Variants in TTC8 observed in about 807,000 individuals in gnomAD.
TTC8 encodes tetratricopeptide repeat domain 8, also known as tetratricopeptide repeat protein 8.
A neutral mutation model predicts 72.5 loss-of-function variants in TTC8; 47 were observed. The ratio of observed to expected loss-of-function variants is 0.65; its 90% confidence interval spans 0.51 to 0.83. The LOEUF (loss-of-function observed/expected upper bound fraction) is 0.83. Ranked by LOEUF, TTC8 falls within the 40% of genes least tolerant of loss-of-function variation. The probability of loss-of-function intolerance (pLI) is 0.00; values close to 1 mark genes in which losing one functional copy is unlikely to be tolerated. For synonymous variants in TTC8, 199 were observed against 221.4 expected (o/e 0.90, Z 0.90); for missense variants, 611 against 623.2 (o/e 0.98, Z 0.21).
chr14:88,870,048 A>G lies in TTC8; in HGVS notation c.910-11A>G. On this transcript the variant is annotated splice_polypyrimidine_tract_variant and intron_variant, in intron 10 of 14. Coordinates refer to ENST00000380656, the MANE Select transcript of TTC8 (RefSeq NM_144596.4). Reference sequence around the variant, plus strand: ...AATAAAATATTGCTCTTCTCTCTTGATGGAGAATAGGAAATGAACAATATG... The same window carrying G: ...AATAAAATATTGCTCTTCTCTCTTGGTGGAGAATAGGAAATGAACAATATG... 3 of 1,613,684 alleles carry G rather than the reference A, an allele frequency of 1.9e-6. No individual in the cohort carries two copies. Among genetic ancestry groups the G allele is most frequent in the African/African-American group, 1.3e-5 (1 of 75,036 alleles).
In TTC8 at chr14:88,877,436, TATGAAGCAGC is replaced by T; in HGVS notation, c.*29_*38del. 1.3e-6 allele frequency: 2 copies of T among 1,573,178 alleles called. No individual in the cohort carries two copies. The highest frequency in any genetic ancestry group is 1.7e-6 in the Non-Finnish European group (2 of 1,142,922). ...TTGTTCCTTAGACCACATATGTTCTTATGAAGCAGCATTATGCAAGGGGAAAAAAGCACTA... is the reference window on the plus strand; with the variant it reads ...TTGTTCCTTAGACCACATATGTTCTTATTATGCAAGGGGAAAAAAGCACTA... On this transcript the variant is annotated 3_prime_UTR_variant, in exon 15 of 15. Transcript: ENST00000380656.
intron 9 of TTC8, among the ~76,000 whole-genome samples, chr14:88,860,183 T>C (rs1452705398): frequency 6.6e-6 from 1 of 151,520 alleles, no homozygotes; most frequent in African/African-American, 2.4e-5. Flanking sequence ...TGAAAAGTTA[T>C]TATCCATACC....
intron 14 of TTC8, 21 bp from the exon 15 acceptor site, chr14:88,877,273 T>G: frequency 1.3e-6 from 2 of 1,588,166 alleles, no homozygotes; most frequent in East Asian, 4.5e-5. Context: ...TTCCATGGTC[T>G]TATTCTTGTA....
intron 13 of TTC8, among the ~76,000 whole-genome samples, chr14:88,873,445 T>C (rs532884768): frequency 6.6e-6 from 1 of 152,350 alleles, no homozygotes; most frequent in East Asian, 1.9e-4. Flanking sequence ...TACCACTTTA[T>C]CAGATATTTT....
chr14:88,828,134 A>G lies in TTC8; in HGVS notation c.114+3313A>G, dbSNP rs369170804. Among the ~76,000 whole-genome samples, 13 of 152,354 alleles carry G rather than the reference A, an allele frequency of 8.5e-5. No individual in the cohort carries two copies. The East Asian group carries it at 1.3e-3, about 16-fold the overall frequency. On this transcript the variant is annotated intron_variant, in intron 1 of 14. Transcript: ENST00000380656. ...TTCTTAAATGTACACTTACTTTTTC[A>G]AATAAATATAATTTCATTATGGGCA... is the stretch of plus-strand genomic sequence containing the variant.
intron 1 of TTC8, among the ~76,000 whole-genome samples, chr14:88,826,295 G>A (rs144779577): frequency 2.0e-5 from 3 of 151,802 alleles, no homozygotes; most frequent in African/African-American, 7.2e-5. Flanking sequence ...GCCCCCAAAT[G>A]TGTTTTTGGC....
chr14:88,875,741 T>C (rs1013663715), intron 14 of TTC8, among the ~76,000 whole-genome samples: 4 of 152,200 alleles, frequency 2.6e-5, no homozygotes, highest in Non-Finnish European at 5.9e-5. Flanking sequence ...CCATAAGATA[T>C]TTATAAAGAT....
chr14:88,860,828 A>G (rs2145708), intron 9 of TTC8, among the ~76,000 whole-genome samples: 4,068 of 149,822 alleles, frequency 0.027, 140 homozygotes, highest in East Asian at 0.16. Flanking sequence ...TTTTTTGAAG[A>G]CAGGGTTTCA....
At chr14:88,863,573 C>A (rs559067127) in intron 10 of TTC8, among the ~76,000 whole-genome samples, 1 of 152,336 alleles carries the variant, frequency 6.6e-6, no homozygotes, top group East Asian at 1.9e-4. Context: ...CAGCACAAAC[C>A]ACACTGTTTA....
chr14:88,840,748 T>G lies in TTC8; in HGVS notation c.266-117T>G. ...TAAAACACATCTCCCTAAAATACAT[T>G]TCTTGCTATTAATGTCTTTTTCACC... On this transcript the variant is annotated intron_variant, in intron 3 of 14. Coordinates refer to ENST00000380656, the MANE Select transcript of TTC8 (RefSeq NM_144596.4). 11 of 960,138 alleles carry G rather than the reference T, an allele frequency of 1.1e-5. No homozygotes were observed. In the South Asian group the frequency reaches 1.5e-4, roughly 13 times the overall value. The allele number at this position is 960,138 out of a possible 1,614,324, so 59.5% of individuals were successfully genotyped here. A position where few individuals can be genotyped will look rare whatever the true frequency, so the allele number is the denominator to read the frequency against.
intron 1 of TTC8, chr14:88,831,057 T>C (rs1193561390): frequency 5.5e-6 from 2 of 361,630 alleles, no homozygotes; most frequent in Non-Finnish European, 1.1e-5. Context: ...ACAGGACTTG[T>C]TTTCTGGTCA....
intron 7 of TTC8, among the ~76,000 whole-genome samples, chr14:88,847,417 G>A (rs1000564218): frequency 6.6e-6 from 1 of 152,104 alleles, no homozygotes; most frequent in Non-Finnish European, 1.5e-5. Context: ...TCATTAACAC[G>A]GAGGTGATAG....
At chr14:88,841,575 A>G in intron 6 of TTC8, 61 bp downstream of exon 6, 1 of 1,352,302 alleles carries the variant, frequency 7.4e-7, no homozygotes, top group Non-Finnish European at 1.1e-6. Context: ...GATAATGACA[A>G]ATTAGAAAAT....
In TTC8 at chr14:88,834,469, G is replaced by GT. The variant is rs547328465; in HGVS notation, c.144+754dup. ...CAAGCGAGATGGAATGTTAACAGCG[G>GT]TTTTTTTAGGTAAATAAAAGACTTG... On this transcript the variant is annotated intron_variant, in intron 2 of 14. Transcript: ENST00000380656. Among the ~76,000 whole-genome samples, 192 of 152,222 alleles carry GT rather than the reference G, an allele frequency of 1.3e-3. 1 individual carries two copies. The highest frequency in any genetic ancestry group is 1.7e-3 in the Non-Finnish European group (116 of 68,008).
At position 88,871,435 on chromosome 14, in the gene TTC8, G is replaced by A. The variant is rs566030969; in HGVS notation, c.1050-114G>A. On this transcript the variant is annotated intron_variant, in intron 11 of 14. Transcript: ENST00000380656. The surrounding 1 kb of genome is among the most constrained non-coding windows in gnomAD (Gnocchi z 4.1). The stretch of plus-strand genomic sequence containing the variant: ...TAACACGTATTTATATTCTTAAGGA[G>A]TATCAAAAATCACAAGATGAATTCA... The A allele has an allele frequency of 3.5e-4, 320 of 922,470 alleles. No individual in the cohort carries two copies. The highest frequency in any genetic ancestry group is 5.1e-4 in the Non-Finnish European group (306 of 595,650). 57.1% of individuals were successfully genotyped at this position (922,470 alleles called of 1,614,324 possible).
chr14:88,858,071 C>T (rs532771322), intron 9 of TTC8, among the ~76,000 whole-genome samples: 6 of 151,890 alleles, frequency 4.0e-5, no homozygotes, highest in Middle Eastern at 3.4e-3. Flanking sequence ...GAGTGATTCT[C>T]CTGTCTCAGC....
At chr14:88,825,970 A>T (rs1284565097) in intron 1 of TTC8, among the ~76,000 whole-genome samples, 5 of 151,946 alleles carry the variant, frequency 3.3e-5, no homozygotes, top group Admixed American at 2.0e-4. Context: ...AGGTTTTTTT[A>T]AATTTTTTTT....
chr14:88,843,945 G>A lies in TTC8; in HGVS notation c.624+95G>A, dbSNP rs2094794136. The A allele has an allele frequency of 8.8e-6, 8 of 910,332 alleles. No homozygotes were observed. The South Asian group carries it at 1.2e-4, about 14-fold the overall frequency. The allele number at this position is 910,332 out of a possible 1,614,324, so 56.4% of individuals were successfully genotyped here. On this transcript the variant is annotated intron_variant, in intron 7 of 14. Transcript: ENST00000380656. ...TATTCTATTTCTGACCTTATAAACA[G>A]ATGAAATTATTAAAGATTGGAGAAC...
chr14:88,870,583 A>G (rs528860228), intron 11 of TTC8, among the ~76,000 whole-genome samples: 1 of 152,334 alleles, frequency 6.6e-6, no homozygotes, highest in South Asian at 2.1e-4. Context: ...ATTTGGCCTC[A>G]TGTTCTGAAC....
Sources: allele counts gnomAD v4.1 joint callset (sites outside exome capture counted in the v4.1 genomes callset), GRCh38; gene constraint gnomAD v4.1.1; non-coding constraint Gnocchi (gnomAD v3.1); transcripts MANE v1.5; gene names NCBI Gene and HGNC (gene_info 2026-07-23, HGNC 2026-07-21).